The following OSBPL3 variants were observed in gnomAD, a reference collection of about 807,000 sequenced individuals.
OSBPL3 encodes the protein oxysterol-binding protein-related protein 3.
Under a neutral mutation model 120.1 loss-of-function variants are expected in OSBPL3, and 65 were observed. The observed-to-expected ratio is 0.54, with a 90% CI of 0.44 to 0.67. The LOEUF (loss-of-function observed/expected upper bound fraction) is 0.67. Ranked by LOEUF, OSBPL3 falls within the 30% of genes least tolerant of loss-of-function variation. The pLI, the probability that OSBPL3 is intolerant of heterozygous loss-of-function variation, is 0.00. For synonymous variants in OSBPL3, 416 were observed against 402.6 expected (o/e 1.03, Z -0.40); for missense variants, 1,004 against 1,082.1 (o/e 0.93, Z 1.01).
Position 24,892,266 on chromosome 7 carries a change from T to G in OSBPL3, c.96+111A>C. On this transcript the variant is annotated intron_variant, in intron 2 of 22. Coordinates refer to ENST00000313367, the MANE Select transcript of OSBPL3 (RefSeq NM_015550.4). ...CATACAGTCAAGAGATAACCAAAAG[T>G]AAATGCTCTTAAACTGAGAAGTAGG... 3.7e-5 allele frequency: 39 copies of G among 1,044,840 alleles called. No individual in the cohort carries two copies. In the South Asian group the frequency reaches 5.9e-4, roughly 16 times the overall value. The allele number at this position is 1,044,840 out of a possible 1,614,324, so 64.7% of individuals were successfully genotyped here.
At chr7:24,844,301 T>C (rs1468603203) in intron 12 of OSBPL3, among the ~76,000 whole-genome samples, 1 of 152,214 alleles carries the variant, frequency 6.6e-6, no homozygotes, top group Non-Finnish European at 1.5e-5. Flanking sequence ...GCGCCACATA[T>C]GGCCCAGGAT....
rs1798063462 is a variant in OSBPL3 at position 24,843,745 on chromosome 7, A to T, written c.1267-1332T>A. Among the ~76,000 whole-genome samples the T allele has an allele frequency of 3.9e-5, 6 of 152,196 alleles. No individual in the cohort carries two copies. The South Asian group carries it at 1.2e-3, about 31-fold the overall frequency. On this transcript the variant is annotated intron_variant, in intron 12 of 22. Coordinates refer to ENST00000313367, the MANE Select transcript of OSBPL3 (RefSeq NM_015550.4). ...GAAAACCAAGCCTCTTCTCTACCCT[A>T]ACAAAGAGATCACTTTAGAATCTAT... is the stretch of plus-strand genomic sequence containing the variant.
intron 12 of OSBPL3, among the ~76,000 whole-genome samples, chr7:24,845,904 T>A (rs937829999): frequency 1.4e-4 from 22 of 152,188 alleles, no homozygotes; most frequent in African/African-American, 5.3e-4. Flanking sequence ...TAATCCCAGC[T>A]ACTTGGGAGG....
At position 24,820,203 on chromosome 7, in the gene OSBPL3, A is replaced by C; in HGVS notation, c.1920T>G (p.Ala640=). ...SHHPPISACH[A]ESRNFVFWQD... ...GCCAGAAAACAAAATTTCTAGACTC[A>C]GCATGACACGCAGAGATAGGCGGAT... Residue 640 remains alanine (A), a synonymous_variant, in exon 17 of 23, where the codon GCT becomes GCG. Transcript: ENST00000313367. This position sits in a 1 kb window ranked among gnomAD's most constrained non-coding sequence, Gnocchi z 4.6. 1 of 1,612,746 alleles carries C rather than the reference A, an allele frequency of 6.2e-7. No homozygotes were observed. The highest frequency in any genetic ancestry group is 8.5e-7 in the Non-Finnish European group (1 of 1,179,018).
intron 1 of OSBPL3, among the ~76,000 whole-genome samples, chr7:24,895,626 T>C (rs1181441605): frequency 6.6e-6 from 1 of 152,114 alleles, no homozygotes; most frequent in East Asian, 1.9e-4. Flanking sequence ...AACTACTGTG[T>C]CCACTCTAGG....
chr7:24,825,236 T>C (rs1795566315), intron 16 of OSBPL3, among the ~76,000 whole-genome samples: 1 of 152,180 alleles, frequency 6.6e-6, no homozygotes, highest in South Asian at 2.1e-4. Flanking sequence ...TTTAGTGGCC[T>C]GAGCTAGGTG....
intron 1 of OSBPL3, among the ~76,000 whole-genome samples, chr7:24,962,244 A>G (rs1453416435): frequency 6.6e-6 from 1 of 151,938 alleles, no homozygotes; most frequent in African/African-American, 2.4e-5. Context: ...CGGAGGTTGC[A>G]GTGAGCCAAG....
In OSBPL3 at chr7:24,968,999, T is replaced by C. The variant is rs1455074138; in HGVS notation, c.-150+10887A>G. On this transcript the variant is annotated intron_variant, in intron 1 of 22. Transcript: ENST00000313367. This position sits in a 1 kb window ranked among gnomAD's most constrained non-coding sequence, Gnocchi z 4.6. ...TATCATTTTGTGAATTTTGCATATCTGTAGGATAAAGTTCTTAGGACTGTT... is the reference window on the plus strand; with the variant it reads ...TATCATTTTGTGAATTTTGCATATCCGTAGGATAAAGTTCTTAGGACTGTT... Among the ~76,000 whole-genome samples, 1 of 152,236 alleles carries C rather than the reference T, an allele frequency of 6.6e-6. No homozygotes were observed. The highest frequency in any genetic ancestry group is 1.5e-5 in the Non-Finnish European group (1 of 68,042).
Position 24,882,279 on chromosome 7 carries a change from A to G in OSBPL3, c.96+10098T>C, listed in dbSNP as rs142500625. On this transcript the variant is annotated intron_variant, in intron 2 of 22. Coordinates refer to ENST00000313367, the MANE Select transcript of OSBPL3 (RefSeq NM_015550.4). ...CCCCACCCTCACCTGCTGAGTCTCC[A>G]TTATCTAGATCATTCCACTCTCTAT... Among the ~76,000 whole-genome samples the G allele has an allele frequency of 9.4e-3, 1,084 of 114,854 alleles. 8 individuals carry two copies. Among genetic ancestry groups the G allele is most frequent in the African/African-American group, 0.034 (984 of 28,952 alleles). 75.3% of individuals were successfully genotyped at this position (114,854 alleles called of 152,430 possible).
chr7:24,842,638 G>A (rs1205565766), intron 12 of OSBPL3, among the ~76,000 whole-genome samples: 1 of 152,130 alleles, frequency 6.6e-6, no homozygotes, highest in Non-Finnish European at 1.5e-5. Context: ...TCACACACAT[G>A]CAACAAATCA....
rs1812531777 is a variant in OSBPL3 at position 24,937,211 on chromosome 7, C to T, written c.-150+42675G>A. ...AACCATCAGATGTAGTGAGAACTAA[C>T]TTATTATCATGAGAACAGGATGGAG... On this transcript the variant is annotated intron_variant, in intron 1 of 22. Transcript: ENST00000313367. The surrounding 1 kb of genome is among the most constrained non-coding windows in gnomAD (Gnocchi z 4.0). Among the ~76,000 whole-genome samples, 1 of 152,146 alleles carries T rather than the reference C, an allele frequency of 6.6e-6. No homozygotes were observed. The highest frequency in any genetic ancestry group is 2.4e-5 in the African/African-American group (1 of 41,424).
intron 12 of OSBPL3, among the ~76,000 whole-genome samples, chr7:24,843,757 A>C (rs1798064924): frequency 6.6e-6 from 1 of 152,198 alleles, no homozygotes; most frequent in Non-Finnish European, 1.5e-5. Flanking sequence ...CAAAGAGATC[A>C]CTTTAGAATC....
In OSBPL3 at chr7:24,947,084, T is replaced by TGTCTAAAAACAAA. The variant is rs1358703661; in HGVS notation, c.-150+32789_-150+32801dup. 2.0e-5 allele frequency among the ~76,000 whole-genome samples: 3 copies of TGTCTAAAAACAAA among 152,220 alleles called. No individual in the cohort carries two copies. Among genetic ancestry groups the TGTCTAAAAACAAA allele is most frequent in the Non-Finnish European group, 4.4e-5 (3 of 68,038 alleles). On this transcript the variant is annotated intron_variant, in intron 1 of 22. Transcript: ENST00000313367. The surrounding 1 kb of genome is among the most constrained non-coding windows in gnomAD (Gnocchi z 4.4). ...GCTGAGTTCTAGCAAGGCATAGAGC[T>TGTCTAAAAACAAA]GTCTAAAAACAAAGTCAGGAGTGCC...
At position 24,936,963 on chromosome 7, in the gene OSBPL3, A is replaced by G. The variant is rs1812495853; in HGVS notation, c.-150+42923T>C. 6.6e-6 allele frequency among the ~76,000 whole-genome samples: 1 copy of G among 152,234 alleles called. No individual in the cohort carries two copies. The highest frequency in any genetic ancestry group is 2.4e-5 in the African/African-American group (1 of 41,468). On this transcript the variant is annotated intron_variant, in intron 1 of 22. Transcript: ENST00000313367. The surrounding 1 kb of genome is among the most constrained non-coding windows in gnomAD (Gnocchi z 4.2). ...TAGAGGCAGCAACAGCAGTTGTCATAGAAAAGGATACTGTATTAGTCCATT... is the reference window on the plus strand; with the variant it reads ...TAGAGGCAGCAACAGCAGTTGTCATGGAAAAGGATACTGTATTAGTCCATT...
At chr7:24,951,681 G>T (rs1814458403) in intron 1 of OSBPL3, among the ~76,000 whole-genome samples, 1 of 152,132 alleles carries the variant, frequency 6.6e-6, no homozygotes, top group Non-Finnish European at 1.5e-5. Context: ...CTTAAAACAA[G>T]AAATATTCTT....
rs956391131 is a variant in OSBPL3, at chr7:24,966,867, C to T, written c.-150+13019G>A. 1.3e-5 allele frequency among the ~76,000 whole-genome samples: 2 copies of T among 152,212 alleles called. No homozygotes were observed. The highest frequency in any genetic ancestry group is 4.8e-5 in the African/African-American group (2 of 41,460). On this transcript the variant is annotated intron_variant, in intron 1 of 22. Coordinates refer to ENST00000313367, the MANE Select transcript of OSBPL3 (RefSeq NM_015550.4). This position sits in a 1 kb window ranked among gnomAD's most constrained non-coding sequence, Gnocchi z 4.8. ...GCAAAATTCATATATAAATCACATA[C>T]ATACAAATTTATGTCAACAAATAAT...
chr7:24,852,472 C>G lies in OSBPL3; in HGVS notation c.1158+32G>C. 1 of 1,523,396 alleles carries G rather than the reference C, an allele frequency of 6.6e-7. No homozygotes were observed. The highest frequency in any genetic ancestry group is 8.8e-7 in the Non-Finnish European group (1 of 1,141,030). The allele number at this position is 1,523,396 out of a possible 1,614,324, so 94.4% of individuals were successfully genotyped here. ...ACCATTCATGAGCCTGGACACATCT[C>G]AGGCATTCCTGGAGGCAGACATGTA... On this transcript the variant is annotated intron_variant, in intron 11 of 22. Coordinates refer to ENST00000313367, the MANE Select transcript of OSBPL3 (RefSeq NM_015550.4). This position sits in a 1 kb window ranked among gnomAD's most constrained non-coding sequence, Gnocchi z 4.1.
At chr7:24,860,151 C>T (rs528289081) in intron 10 of OSBPL3, among the ~76,000 whole-genome samples, 6 of 152,200 alleles carry the variant, frequency 3.9e-5, no homozygotes, top group Non-Finnish European at 7.3e-5. Flanking sequence ...AATTTTATCA[C>T]ATGTCCACAT....
At chr7:24,935,626 A>G (rs1183989441) in intron 1 of OSBPL3, among the ~76,000 whole-genome samples, 1 of 152,164 alleles carries the variant, frequency 6.6e-6, no homozygotes, top group African/African-American at 2.4e-5. Flanking sequence ...AAAAAGAATG[A>G]TGAAAAGTTC....
Sources: allele counts gnomAD v4.1 joint callset (sites outside exome capture counted in the v4.1 genomes callset), GRCh38; gene constraint gnomAD v4.1.1; non-coding constraint Gnocchi (gnomAD v3.1); transcripts MANE v1.5; gene names NCBI Gene and HGNC (gene_info 2026-07-23, HGNC 2026-07-21).